SH3BGR: variants seen among roughly 807,000 people sequenced by gnomAD.
SH3BGR encodes the protein SH3 domain-binding glutamic acid-rich protein.
A neutral mutation model predicts 24.5 loss-of-function variants in SH3BGR; 29 were observed. That is an observed-to-expected ratio of 1.18 (90% CI 0.88 to 1.61). The LOEUF is 1.61. SH3BGR is among the 40% of genes most tolerant of loss of function. The pLI is 0.00. For missense variants in SH3BGR, 162 were observed against 205.8 expected, an observed-to-expected ratio of 0.79 and a Z score of 1.30; for synonymous variants, 55 against 65.7, an observed-to-expected ratio of 0.84 and a Z score of 0.79.
At chr21:39,513,211 G>C (rs1178434658) in intron 6 of SH3BGR, among the ~76,000 whole-genome samples, 3 of 152,194 alleles carry the variant, frequency 2.0e-5, no homozygotes, top group Non-Finnish European at 2.9e-5. Context: ...GGCAGCAAAA[G>C]CTGACTTGTC....
Position 39,462,364 on chromosome 21 carries a change from C to A in SH3BGR, c.46-11C>A. ...TCATAAACAGCCTAATATTTCTCTA[C>A]TCTTGACCAGATTAGGAAGAAACAG... On this transcript the variant is annotated splice_polypyrimidine_tract_variant and intron_variant, in intron 1 of 6. Transcript: ENST00000333634. The A allele has an allele frequency of 1.3e-6, 2 of 1,590,760 alleles. No homozygotes were observed. Among genetic ancestry groups the A allele is most frequent in the African/African-American group, 2.7e-5 (2 of 73,544 alleles).
chr21:39,488,662 G>T, intron 3 of SH3BGR: 1 of 378,766 alleles, frequency 2.6e-6, no homozygotes. Flanking sequence ...CACCATCATG[G>T]GCGCTGAAAT....
intron 4 of SH3BGR, among the ~76,000 whole-genome samples, chr21:39,503,307 A>T (rs143535240): frequency 6.6e-6 from 1 of 152,192 alleles, no homozygotes; most frequent in African/African-American, 2.4e-5. Context: ...CCTTCACCCA[A>T]CTTCCCCAAA....
intron 3 of SH3BGR, among the ~76,000 whole-genome samples, chr21:39,491,028 G>A (rs930052082): frequency 4.6e-5 from 7 of 151,848 alleles, no homozygotes; most frequent in East Asian, 2.0e-4. Context: ...CACTGCACCC[G>A]GCTGGTCTTG....
Position 39,508,964 on chromosome 21 carries a change from G to GT in SH3BGR, c.406-27dup, listed in dbSNP as rs2078628900. ...TTGACTTTAAACGTACTTGAATTATGTTTTTTTCTTTAATTTTGATTTATG... is the reference window on the plus strand; with the variant it reads ...TTGACTTTAAACGTACTTGAATTATGTTTTTTTTCTTTAATTTTGATTTATG... On this transcript the variant is annotated intron_variant, in intron 4 of 6. Transcript: ENST00000333634. The GT allele has an allele frequency of 5.2e-6, 8 of 1,551,882 alleles. No homozygotes were observed. In the East Asian group the frequency reaches 1.4e-4, roughly 26 times the overall value.
At chr21:39,451,799 G>T (rs527268353), upstream of SH3BGR, 37 of 1,215,084 alleles carry the variant, frequency 3.0e-5, no homozygotes, top group African/African-American at 5.4e-4. Context: ...CTGTTGTCGC[G>T]CGTTTAAAGT....
At chr21:39,492,390 G>A (rs1602142697) in intron 3 of SH3BGR, among the ~76,000 whole-genome samples, 1 of 151,730 alleles carries the variant, frequency 6.6e-6, no homozygotes. Context: ...TTCCATCCAA[G>A]TTGCTGCGAA....
intron 3 of SH3BGR, among the ~76,000 whole-genome samples, chr21:39,479,828 C>T (rs1478302891): frequency 2.0e-5 from 3 of 151,828 alleles, no homozygotes; most frequent in Non-Finnish European, 4.4e-5. Flanking sequence ...AATTATTACT[C>T]AACGATTCCC....
intron 4 of SH3BGR, among the ~76,000 whole-genome samples, chr21:39,504,303 C>G (rs1407964059): frequency 1.3e-5 from 2 of 152,134 alleles, no homozygotes; most frequent in Admixed American, 6.5e-5. Flanking sequence ...CAGCCTGGGT[C>G]CCTGGAGTGC....
intron 4 of SH3BGR, among the ~76,000 whole-genome samples, chr21:39,501,907 T>A (rs2078500572): frequency 6.6e-6 from 1 of 152,240 alleles, no homozygotes; most frequent in Non-Finnish European, 1.5e-5. Context: ...GGCGCATGGC[T>A]CACGCCTATA....
At chr21:39,474,088 C>T (rs906889280) in intron 2 of SH3BGR, among the ~76,000 whole-genome samples, 1 of 152,118 alleles carries the variant, frequency 6.6e-6, no homozygotes, top group African/African-American at 2.4e-5. Context: ...CCACCTCAGC[C>T]TCCCAAGTAG....
chr21:39,458,563 C>A (rs1257451023), intron 1 of SH3BGR, among the ~76,000 whole-genome samples: 2 of 151,786 alleles, frequency 1.3e-5, no homozygotes, highest in African/African-American at 2.4e-5. Flanking sequence ...GTCTCAAACT[C>A]CTGACCTCAG....
rs530623395 is a variant in SH3BGR at position 39,502,606 on chromosome 21, A to G, written c.405+2691A>G. On this transcript the variant is annotated intron_variant, in intron 4 of 6. Transcript: ENST00000333634. ...TTCCCTCTATCTGCTCCATGTGCCC[A>G]CCTCATGGCTGGCAGGAGCTTCCAG... Among the ~76,000 whole-genome samples, 85 of 152,270 alleles carry G rather than the reference A, an allele frequency of 5.6e-4. 1 individual carries two copies. The highest frequency in any genetic ancestry group is 1.9e-3 in the African/African-American group (79 of 41,548).
intron 1 of SH3BGR, among the ~76,000 whole-genome samples, chr21:39,457,533 C>G (rs959013529): frequency 6.9e-6 from 1 of 144,798 alleles, no homozygotes; most frequent in South Asian, 2.1e-4. Context: ...ATATATAAAT[C>G]TTATATATAA....
At chr21:39,487,886 G>A (rs1292557075) in intron 3 of SH3BGR, among the ~76,000 whole-genome samples, 1 of 152,332 alleles carries the variant, frequency 6.6e-6, no homozygotes, top group East Asian at 1.9e-4. Context: ...GAGGACAGGC[G>A]ACTTCACTTG....
At chr21:39,471,746 G>C (rs1260987841) in intron 2 of SH3BGR, among the ~76,000 whole-genome samples, 1 of 152,284 alleles carries the variant, frequency 6.6e-6, no homozygotes, top group East Asian at 1.9e-4. Context: ...ATAGGCATGA[G>C]CCACCACACC....
intron 1 of SH3BGR, 38 bp downstream of exon 1, chr21:39,452,179 T>G (rs1282780643): frequency 1.2e-6 from 2 of 1,613,320 alleles, no homozygotes; most frequent in Non-Finnish European, 1.7e-6. Flanking sequence ...TATACTCTTT[T>G]CTGAATAACT....
intron 1 of SH3BGR, among the ~76,000 whole-genome samples, chr21:39,453,303 C>T (rs2077604561): frequency 6.6e-6 from 1 of 152,214 alleles, no homozygotes; most frequent in Non-Finnish European, 1.5e-5. Flanking sequence ...AAGATGAGAA[C>T]ACACTCCAAA....
chr21:39,492,975 T>C (rs2078329731), intron 3 of SH3BGR, among the ~76,000 whole-genome samples: 1 of 152,212 alleles, frequency 6.6e-6, no homozygotes, highest in Non-Finnish European at 1.5e-5. Flanking sequence ...GGACGTTTTT[T>C]CTTGATAATT....
Sources: allele counts gnomAD v4.1 joint callset (sites outside exome capture counted in the v4.1 genomes callset), GRCh38; gene constraint gnomAD v4.1.1; transcripts MANE v1.5; gene names NCBI Gene and HGNC (gene_info 2026-07-23, HGNC 2026-07-21).